Variants in PCF11 observed in about 807,000 individuals in gnomAD.
PCF11 encodes pre-mRNA cleavage complex 2 protein Pcf11.
A neutral mutation model predicts 166.1 loss-of-function variants in PCF11; 19 were observed. The observed-to-expected ratio is 0.11, with a 90% CI of 0.08 to 0.17. The LOEUF (loss-of-function observed/expected upper bound fraction) is 0.17, where lower values mean the gene tolerates loss of function less well. PCF11 is among the 10% of genes least tolerant of loss of function. The pLI is 1.00. For missense variants in PCF11, 1,565 were observed against 1,855.5 expected, an observed-to-expected ratio of 0.84 and a Z score of 2.88; for synonymous variants, 663 against 644.1, an observed-to-expected ratio of 1.03 and a Z score of -0.44.
chr11:83,159,598 A>T (rs1860149183), intron 1 of PCF11, among the ~76,000 whole-genome samples: 1 of 152,178 alleles, frequency 6.6e-6, no homozygotes. Flanking sequence ...GACAGCTGAA[A>T]TTTTGGGGGC....
chr11:83,180,981 C>G (rs568583573), intron 11 of PCF11, 27 bp from the exon 12 acceptor site: 2 of 1,371,674 alleles, frequency 1.5e-6, no homozygotes, highest in Admixed American at 2.0e-5. Context: ...ATTATCAACA[C>G]TAAAGATTAT....
exon 16 of PCF11, chr11:83,186,339 TTG>T (rs1055075304): frequency 1.2e-4 from 19 of 152,202 alleles, no homozygotes; most frequent in African/African-American, 3.9e-4. Context: ...TAAAATACTT[TTG>T]TGTTTTCAAA....
chr11:83,183,971 G>C (rs1447113146), intron 15 of PCF11: 2 of 151,264 alleles, frequency 1.3e-5, no homozygotes, highest in Non-Finnish European at 2.9e-5. Flanking sequence ...GGCCAACATG[G>C]TGAAACCCTG....
intron 8 of PCF11, 115 bp downstream of exon 8, chr11:83,170,110 T>A: frequency 1.1e-6 from 1 of 903,890 alleles, no homozygotes; most frequent in Non-Finnish European, 1.6e-6. Context: ...AAGTTTTTAA[T>A]GTACTCTAAA....
Position 83,163,659 on chromosome 11 carries a change from GAA to G in PCF11, c.319-19_319-18del. On this transcript the variant is annotated intron_variant, in intron 2 of 15. Coordinates refer to ENST00000298281, the Ensembl canonical transcript of PCF11. Reference sequence around the variant, plus strand: ...TTCTATAGTAACTTAACAAGCCATAGAATTGTTCTGTTGTTCTAGGTGGATGA... The same window carrying G: ...TTCTATAGTAACTTAACAAGCCATAGTTGTTCTGTTGTTCTAGGTGGATGA... 1 of 1,116,436 alleles carries G rather than the reference GAA, an allele frequency of 9.0e-7. No individual in the cohort carries two copies. Among genetic ancestry groups the G allele is most frequent in the East Asian group, 2.6e-5 (1 of 38,112 alleles). 69.2% of individuals were successfully genotyped at this position (1,116,436 alleles called of 1,614,324 possible). A position where few individuals can be genotyped will look rare whatever the true frequency, so the allele number is the denominator to read the frequency against.
At chr11:83,177,863 AATAAC>A (rs778376266) in intron 11 of PCF11, 44 bp downstream of exon 11, 1 of 854,660 alleles carries the variant, frequency 1.2e-6, no homozygotes, top group Non-Finnish European at 1.9e-6. Flanking sequence ...CAGTGACTTT[AATAAC>A]ACTGTTATAG....
rs1860489574 is a variant in PCF11, at chr11:83,167,039, T to C, written c.1818-86T>C. 3.6e-6 allele frequency: 4 copies of C among 1,102,492 alleles called. No homozygotes were observed. The African/African-American group carries it at 4.7e-5, about 13-fold the overall frequency. The allele number at this position is 1,102,492 out of a possible 1,614,324, so 68.3% of individuals were successfully genotyped here. A position where few individuals can be genotyped will look rare whatever the true frequency, so the allele number is the denominator to read the frequency against. The stretch of plus-strand genomic sequence containing the variant: ...TGGTTACATATGCCCATTTTAACCA[T>C]ATCCTTTGAAAAGAATCTTTAAATA... On this transcript the variant is annotated intron_variant, in intron 5 of 15. Coordinates refer to ENST00000298281, the Ensembl canonical transcript of PCF11. The surrounding 1 kb of genome is among the most constrained non-coding windows in gnomAD (Gnocchi z 4.2).
chr11:83,178,127 G>C (rs1860951830), intron 11 of PCF11, among the ~76,000 whole-genome samples: 1 of 152,002 alleles, frequency 6.6e-6, no homozygotes, highest in African/African-American at 2.4e-5. Context: ...TGCAACCTCT[G>C]CCTCCCAGGT....
At chr11:83,162,746 A>G (rs1860305575) in intron 2 of PCF11, among the ~76,000 whole-genome samples, 1 of 152,160 alleles carries the variant, frequency 6.6e-6, no homozygotes, top group South Asian at 2.1e-4. Flanking sequence ...CCCAAGTCCT[A>G]GGTTTCTTGA....
At chr11:83,179,325 T>C (rs967851121) in intron 11 of PCF11, among the ~76,000 whole-genome samples, 1 of 151,874 alleles carries the variant, frequency 6.6e-6, no homozygotes, top group Non-Finnish European at 1.5e-5. Flanking sequence ...TCTTGGCTCA[T>C]TGCAACCTCC....
chr11:83,184,969 G>A (rs1222260763), exon 16 of PCF11: 2 of 951,580 alleles, frequency 2.1e-6, no homozygotes, highest in East Asian at 5.3e-5. Context: ...ATTTTTTTAT[G>A]TATATATAGA....
At chr11:83,159,233 C>G (rs1166007343) in intron 1 of PCF11, among the ~76,000 whole-genome samples, 1 of 151,882 alleles carries the variant, frequency 6.6e-6, no homozygotes, top group Non-Finnish European at 1.5e-5. Flanking sequence ...AAAAAGGAAG[C>G]ATTCGTCATA....
exon 8 of PCF11, chr11:83,169,355 G>C (rs764175890): frequency 1.2e-6 from 2 of 1,613,850 alleles, no homozygotes; most frequent in South Asian, 2.2e-5. Context: ...GGTGGAATGA[G>C]GTTTGAGGGT....
intron 4 of PCF11, among the ~76,000 whole-genome samples, chr11:83,164,969 T>G (rs1473750998): frequency 1.3e-5 from 2 of 152,222 alleles, no homozygotes; most frequent in Non-Finnish European, 2.9e-5. Flanking sequence ...ATCATTACAT[T>G]ATGTGGACTT....
chr11:83,163,937 A>G (rs1860352583), intron 3 of PCF11, 70 bp downstream of exon 3: 1 of 698,346 alleles, frequency 1.4e-6, no homozygotes, highest in Non-Finnish European at 2.2e-6. Flanking sequence ...TGCAGAACTT[A>G]CTGCCAGAAA....
At chr11:83,158,294 A>G (rs530583234) in intron 1 of PCF11, 1 of 148,864 alleles carries the variant, frequency 6.7e-6, no homozygotes, top group East Asian at 2.1e-4. Flanking sequence ...TGGAGGGTCT[A>G]ATTTGTCCCA....
exon 8 of PCF11, chr11:83,169,644 A>G: frequency 6.2e-7 from 1 of 1,613,998 alleles, no homozygotes; most frequent in Non-Finnish European, 8.5e-7. Flanking sequence ...AGCAAGCATC[A>G]AGGTTTGATA....
chr11:83,157,921 G>T, intron 1 of PCF11: 1 of 379,230 alleles, frequency 2.6e-6, no homozygotes. Context: ...GAGCCCTTTG[G>T]GGTGGGGGAG....
At chr11:83,175,616 G>A (rs972246643) in intron 9 of PCF11, among the ~76,000 whole-genome samples, 6 of 152,156 alleles carry the variant, frequency 3.9e-5, no homozygotes, top group African/African-American at 2.4e-5. Flanking sequence ...TTAGCTGGGT[G>A]TGGTGGCACG....
Sources: allele counts gnomAD v4.1 joint callset (sites outside exome capture counted in the v4.1 genomes callset), GRCh38; gene constraint gnomAD v4.1.1; non-coding constraint Gnocchi (gnomAD v3.1); transcripts MANE v1.5; gene names NCBI Gene and HGNC (gene_info 2026-07-23, HGNC 2026-07-21).